Variants in RPEL1 observed in about 807,000 individuals in gnomAD.
RPEL1 encodes ribulose-phosphate 3-epimerase-like protein 1.
RPEL1 carries 7 observed loss-of-function variants against 12.8 expected under a neutral mutation model. The ratio of observed to expected loss-of-function variants is 0.55; its 90% CI spans 0.31 to 1.03. RPEL1 has a LOEUF of 1.03. Ranked by LOEUF, RPEL1 falls within the 50% of genes least tolerant of loss-of-function variation. The pLI is 0.05. For synonymous variants in RPEL1, 91 were observed against 102.0 expected (o/e 0.89, Z 0.65); for missense variants, 237 against 289.4 (o/e 0.82, Z 1.31).
In RPEL1 at chr10:103,246,756, A is replaced by G. The variant is rs894872223; in HGVS notation, c.*73A>G. ...GGAAAACAGGAATATTGACTACCAAATCATCATGAAATTGAAGCTGTACTG... is the reference window on the plus strand; with the variant it reads ...GGAAAACAGGAATATTGACTACCAAGTCATCATGAAATTGAAGCTGTACTG... On this transcript the variant is annotated 3_prime_UTR_variant, in exon 1 of 1. Coordinates refer to ENST00000441178, the MANE Select transcript of RPEL1 (RefSeq NM_001143909.1). 6.6e-7 allele frequency: 1 copy of G among 1,505,306 alleles called. No individual in the cohort carries two copies. The highest frequency in any genetic ancestry group is 9.0e-7 in the Non-Finnish European group (1 of 1,114,574). The allele number at this position is 1,505,306 out of a possible 1,614,324, so 93.2% of individuals were successfully genotyped here. A position where few individuals can be genotyped will look rare whatever the true frequency, so the allele number is the denominator to read the frequency against.
Position 103,246,505 on chromosome 10 carries a change from T to C in RPEL1, c.509T>C (p.Leu170Ser), listed in dbSNP as rs542169450. The C allele has an allele frequency of 6.2e-7, 1 of 1,614,198 alleles. No individual in the cohort carries two copies. Among genetic ancestry groups the C allele is most frequent in the East Asian group, 2.2e-5 (1 of 44,884 alleles). Reference sequence around the variant, plus strand: ...TGGTTGAGGACCCAGTTCCCATCTTTGGATATAGAGGGCGATGGTGGAGTA... The same window carrying C: ...TGGTTGAGGACCCAGTTCCCATCTTCGGATATAGAGGGCGATGGTGGAGTA... ...VHWLRTQFPS[L>S]DIEGDGGVGS... Residue 170 changes from leucine to serine, a missense_variant, in exon 1 of 1, where the codon TTG (leucine) becomes TCG (serine). Transcript: ENST00000441178.
chr10:103,246,345 C>T lies in RPEL1; in HGVS notation c.349C>T (p.Leu117Phe). 1 of 1,614,232 alleles carries T rather than the reference C, an allele frequency of 6.2e-7. No individual in the cohort carries two copies. Among genetic ancestry groups the T allele is most frequent in the Non-Finnish European group, 8.5e-7 (1 of 1,180,050 alleles). The change falls in exon 1 of 1, where the codon CTT (leucine) becomes TTT (phenylalanine). Residue 117 changes from leucine (L) to phenylalanine (F), a missense_variant. Coordinates refer to ENST00000441178, the MANE Select transcript of RPEL1 (RefSeq NM_001143909.1). ...DIRENGMKVG[L>F]AIKPGTSVEY... ...TCGGGAGAATGGGATGAAGGTTGGC[C>T]TTGCCATCAAACCAGGAACCTCAGT...
Position 103,245,939 on chromosome 10 carries a change from A to G in RPEL1, c.-58A>G. Reference sequence around the variant, plus strand: ...ATTTCCTGGTTTTAAAAAAAAAAAAAGTGGGCTCTAGTCTTGCCGGGGACT... The same window carrying G: ...ATTTCCTGGTTTTAAAAAAAAAAAAGGTGGGCTCTAGTCTTGCCGGGGACT... On this transcript the variant is annotated 5_prime_UTR_variant, in exon 1 of 1. Transcript: ENST00000441178. 33 of 1,555,416 alleles carry G rather than the reference A, an allele frequency of 2.1e-5. No individual in the cohort carries two copies. The highest frequency in any genetic ancestry group is 1.3e-4 in the Admixed American group (6 of 47,762).
At position 103,246,713 on chromosome 10, in the gene RPEL1, T is replaced by C. The variant is rs1160190365; in HGVS notation, c.*30T>C. 1.3e-6 allele frequency: 2 copies of C among 1,591,648 alleles called. No homozygotes were observed. Among genetic ancestry groups the C allele is most frequent in the Non-Finnish European group, 1.7e-6 (2 of 1,167,506 alleles). ...ATAAGGAGCCCAATGTTTCTGTTCATGAAATCTCCCTTTTACTGGAAAACA... is the reference window on the plus strand; with the variant it reads ...ATAAGGAGCCCAATGTTTCTGTTCACGAAATCTCCCTTTTACTGGAAAACA... On this transcript the variant is annotated 3_prime_UTR_variant, in exon 1 of 1. Transcript: ENST00000441178.
Position 103,245,913 on chromosome 10 carries a change from A to G in RPEL1, c.-84A>G. 2.6e-5 allele frequency: 36 copies of G among 1,405,150 alleles called. No homozygotes were observed. The highest frequency in any genetic ancestry group is 4.7e-5 in the Admixed American group (2 of 42,778). 87.0% of individuals were successfully genotyped at this position (1,405,150 alleles called of 1,614,324 possible). ...TGGCCAAACTGTGGTTCTTTGGTAG[A>G]ATTTCCTGGTTTTAAAAAAAAAAAA... On this transcript the variant is annotated 5_prime_UTR_variant, in exon 1 of 1. Coordinates refer to ENST00000441178, the MANE Select transcript of RPEL1 (RefSeq NM_001143909.1).
At position 103,246,203 on chromosome 10, in the gene RPEL1, G is replaced by T; in HGVS notation, c.207G>T (p.Met69Ile). 2 of 1,614,236 alleles carry T rather than the reference G, an allele frequency of 1.2e-6. No individual in the cohort carries two copies. Among genetic ancestry groups the T allele is most frequent in the Non-Finnish European group, 1.7e-6 (2 of 1,180,038 alleles). Residue 69 changes from methionine (M) to isoleucine (I), a missense_variant, in exon 1 of 1, where the codon ATG (methionine) becomes ATT (isoleucine). Coordinates refer to ENST00000441178, the MANE Select transcript of RPEL1 (RefSeq NM_001143909.1). ...TAGGCCAGGACCCTTTCTTTGACAT[G>T]CACATGATGGTGTCCAAGCCAGAAC... ...KQLGQDPFFD[M>I]HMMVSKPEQW...
rs33984163 is a variant in RPEL1 at position 103,247,714 on chromosome 10, TAA to T, written c.*1044_*1045del. 6.2e-5 allele frequency: 10 copies of T among 160,518 alleles called. No individual in the cohort carries two copies. The highest frequency in any genetic ancestry group is 1.4e-4 in the Admixed American group (2 of 14,594). 9.9% of individuals were successfully genotyped at this position (160,518 alleles called of 1,614,324 possible). A position where few individuals can be genotyped will look rare whatever the true frequency, so the allele number is the denominator to read the frequency against. ...TAAAGCAGATATTTTTGTCCCCATTTAAAAAAAAAAAAAAGTGTTCCCTAACA... is the reference window on the plus strand; with the variant it reads ...TAAAGCAGATATTTTTGTCCCCATTTAAAAAAAAAAAAGTGTTCCCTAACA... On this transcript the variant is annotated 3_prime_UTR_variant, in exon 1 of 1. Coordinates refer to ENST00000441178, the MANE Select transcript of RPEL1 (RefSeq NM_001143909.1).
rs757899967 is a variant in RPEL1 at position 103,246,476 on chromosome 10, T to C, written c.480T>C (p.Val160=). ...QKFMEDMMPK[V]HWLRTQFPSL... is the part of the protein sequence containing the mutation. ...TCATGGAAGATATGATGCCAAAGGT[T>C]CACTGGTTGAGGACCCAGTTCCCAT... Residue 160 remains valine (V), a synonymous_variant, in exon 1 of 1, where the codon GTT becomes GTC. Transcript: ENST00000441178. 1.2e-6 allele frequency: 2 copies of C among 1,614,222 alleles called. No individual in the cohort carries two copies. The highest frequency in any genetic ancestry group is 4.5e-5 in the East Asian group (2 of 44,886).
rs750404377 is a variant in RPEL1, at chr10:103,245,957, C to A, written c.-40C>A. The A allele has an allele frequency of 5.0e-6, 8 of 1,602,998 alleles. No homozygotes were observed. Among genetic ancestry groups the A allele is most frequent in the Non-Finnish European group, 5.1e-6 (6 of 1,174,110 alleles). On this transcript the variant is annotated 5_prime_UTR_variant, in exon 1 of 1. Transcript: ENST00000441178. ...AAAAAAAAGTGGGCTCTAGTCTTGC[C>A]GGGGACTCGTGGGGTAACTTGTTCT...
Position 103,245,944 on chromosome 10 carries a change from G to A in RPEL1, c.-53G>A. 2 of 1,592,178 alleles carry A rather than the reference G, an allele frequency of 1.3e-6. No individual in the cohort carries two copies. Among genetic ancestry groups the A allele is most frequent in the Non-Finnish European group, 1.7e-6 (2 of 1,169,958 alleles). On this transcript the variant is annotated 5_prime_UTR_variant, in exon 1 of 1. Coordinates refer to ENST00000441178, the MANE Select transcript of RPEL1 (RefSeq NM_001143909.1). ...CTGGTTTTAAAAAAAAAAAAAGTGGGCTCTAGTCTTGCCGGGGACTCGTGG... is the reference window on the plus strand; with the variant it reads ...CTGGTTTTAAAAAAAAAAAAAGTGGACTCTAGTCTTGCCGGGGACTCGTGG...
rs368080108 is a variant in RPEL1 at position 103,246,177 on chromosome 10, C to G, written c.181C>G (p.Leu61Val). Residue 61 changes from leucine (L) to valine (V), a missense_variant, in exon 1 of 1, where the codon CTA becomes GTA. Coordinates refer to ENST00000441178, the MANE Select transcript of RPEL1 (RefSeq NM_001143909.1). ...TGTGGTAGAAAGCCTTCGAAAGCAG[C>G]TAGGCCAGGACCCTTTCTTTGACAT... ...HPVVESLRKQLGQDPFFDMHM... is the reference protein window; with the variant it reads ...HPVVESLRKQVGQDPFFDMHM... 1.1e-5 allele frequency: 17 copies of G among 1,614,222 alleles called. No individual in the cohort carries two copies. Among genetic ancestry groups the G allele is most frequent in the African/African-American group, 2.7e-5 (2 of 75,058 alleles).
At position 103,245,889 on chromosome 10, in the gene RPEL1, G is replaced by A. The variant is rs2093007137; in HGVS notation, c.-108G>A. 2.1e-6 allele frequency: 3 copies of A among 1,461,264 alleles called. No homozygotes were observed. The highest frequency in any genetic ancestry group is 2.4e-5 in the East Asian group (1 of 40,868). 90.5% of individuals were successfully genotyped at this position (1,461,264 alleles called of 1,614,324 possible). A position where few individuals can be genotyped will look rare whatever the true frequency, so the allele number is the denominator to read the frequency against. ...ATTACAGGCATGAGCCACTGTGCCT[G>A]GCCAAACTGTGGTTCTTTGGTAGAA... On this transcript the variant is annotated 5_prime_UTR_variant, in exon 1 of 1. Transcript: ENST00000441178.
At position 103,247,744 on chromosome 10, in the gene RPEL1, T is replaced by A. The variant is rs924438502; in HGVS notation, c.*1061T>A. ...AAAAAAAAAAGTGTTCCCTAACAGT[T>A]TCCAGAGCACGAGCTGAAGGGATTG... On this transcript the variant is annotated 3_prime_UTR_variant, in exon 1 of 1. Transcript: ENST00000441178. 2 of 166,690 alleles carry A rather than the reference T, an allele frequency of 1.2e-5. No homozygotes were observed. The highest frequency in any genetic ancestry group is 2.9e-5 in the Non-Finnish European group (2 of 68,076). 10.3% of individuals were successfully genotyped at this position (166,690 alleles called of 1,614,324 possible).
In RPEL1 at chr10:103,246,122, T is replaced by G; in HGVS notation, c.126T>G (p.His42Gln). ...TGCATCTGGATGTAATGGATGGGCATTTTGTTCCCAACATCACCTTTGGTC... is the reference window on the plus strand; with the variant it reads ...TGCATCTGGATGTAATGGATGGGCAGTTTGTTCCCAACATCACCTTTGGTC... The part of the protein sequence containing the change: ...DYLHLDVMDG[H>Q]FVPNITFGHP... Residue 42 changes from histidine (H) to glutamine (Q), a missense_variant, in exon 1 of 1, where the codon CAT becomes CAG. Transcript: ENST00000441178. 1 of 1,614,132 alleles carries G rather than the reference T, an allele frequency of 6.2e-7. No homozygotes were observed.
Position 103,246,706 on chromosome 10 carries a change from C to T in RPEL1, c.*23C>T, listed in dbSNP as rs1314390147. 2.5e-6 allele frequency: 4 copies of T among 1,598,514 alleles called. No homozygotes were observed. The highest frequency in any genetic ancestry group is 3.4e-6 in the Non-Finnish European group (4 of 1,171,578). The stretch of plus-strand genomic sequence containing the variant: ...TGAAACCATAAGGAGCCCAATGTTT[C>T]TGTTCATGAAATCTCCCTTTTACTG... On this transcript the variant is annotated 3_prime_UTR_variant, in exon 1 of 1. Transcript: ENST00000441178.
rs1360271704 is a variant in RPEL1, at chr10:103,246,838, A to C, written c.*155A>C. On this transcript the variant is annotated 3_prime_UTR_variant, in exon 1 of 1. Coordinates refer to ENST00000441178, the MANE Select transcript of RPEL1 (RefSeq NM_001143909.1). Reference sequence around the variant, plus strand: ...AAAACTGATTGTGCAGAATATTCTAAGAGGTCAGAAATTGGTGTGTATAAC... The same window carrying C: ...AAAACTGATTGTGCAGAATATTCTACGAGGTCAGAAATTGGTGTGTATAAC... 3 of 1,015,652 alleles carry C rather than the reference A, an allele frequency of 3.0e-6. No homozygotes were observed. The highest frequency in any genetic ancestry group is 4.3e-6 in the Non-Finnish European group (3 of 702,270). 62.9% of individuals were successfully genotyped at this position (1,015,652 alleles called of 1,614,324 possible).
At position 103,246,278 on chromosome 10, in the gene RPEL1, T is replaced by A. The variant is rs1367733399; in HGVS notation, c.282T>A (p.His94Gln). The change falls in exon 1 of 1, where the codon CAT becomes CAA. Residue 94 changes from histidine to glutamine, a missense_variant. By Grantham distance (24) the His-to-Gln change is conservative (BLOSUM62 0). Transcript: ENST00000441178. ...CAGAAGCCAATCAGTACACCTTTCA[T>A]CTCGAGGCTACTGAGAACCCAGGGA... is the stretch of plus-strand genomic sequence containing the variant. ...AVAEANQYTF[H>Q]LEATENPGTL... 3 of 1,614,068 alleles carry A rather than the reference T, an allele frequency of 1.9e-6. No individual in the cohort carries two copies. Among genetic ancestry groups the A allele is most frequent in the African/African-American group, 1.3e-5 (1 of 74,912 alleles).
Position 103,246,565 on chromosome 10 carries a change from G to A in RPEL1, c.569G>A (p.Gly190Glu), listed in dbSNP as rs1489326758. Residue 190 changes from glycine to glutamate, a missense_variant, in exon 1 of 1, where the codon GGA becomes GAA. Transcript: ENST00000441178. ...SDTVHKCAEAGANMTVSGSAI... is the reference protein window; with the variant it reads ...SDTVHKCAEAEANMTVSGSAI... ...ACTGTCCATAAGTGTGCAGAGGCAG[G>A]AGCTAACATGACTGTATCTGGCAGT... 2 of 1,614,098 alleles carry A rather than the reference G, an allele frequency of 1.2e-6. No homozygotes were observed. The highest frequency in any genetic ancestry group is 1.1e-5 in the South Asian group (1 of 91,088).
At position 103,246,604 on chromosome 10, in the gene RPEL1, G is replaced by C. The variant is rs1421038177; in HGVS notation, c.608G>C (p.Ser203Thr). The change falls in exon 1 of 1, where the codon AGT becomes ACT. Residue 203 changes from serine to threonine, a missense_variant. Ser to Thr is a moderately conservative substitution (Grantham distance 58). Coordinates refer to ENST00000441178, the MANE Select transcript of RPEL1 (RefSeq NM_001143909.1). ...MTVSGSAIMR[S>T]EDPRSVINLL... ...GTATCTGGCAGTGCTATTATGAGGA[G>C]TGAAGACCCCAGATCTGTGATCAAC... is the stretch of plus-strand genomic sequence containing the variant. 9 of 1,614,082 alleles carry C rather than the reference G, an allele frequency of 5.6e-6. No homozygotes were observed. Among genetic ancestry groups the C allele is most frequent in the Non-Finnish European group, 7.6e-6 (9 of 1,180,050 alleles).
Sources: gnomAD v4.1 joint callset for allele counts on GRCh38, gnomAD v4.1.1 for gene constraint, MANE v1.5 for transcripts, NCBI Gene and HGNC (gene_info 2026-07-23, HGNC 2026-07-21) for gene names.